The following RBFOX1 variants were observed in gnomAD, a reference collection of about 807,000 sequenced individuals.
The protein encoded by RBFOX1 is RNA binding fox-1 homolog 1, also known as RNA binding protein fox-1 homolog 1.
A neutral mutation model predicts 57.7 loss-of-function variants in RBFOX1; 8 were observed. The ratio of observed to expected loss-of-function variants is 0.14; its 90% confidence interval spans 0.08 to 0.25. The LOEUF is 0.25. Among genes scored for constraint, RBFOX1 ranks in the 10% least tolerant of loss-of-function variants. The pLI, the probability that RBFOX1 is intolerant of heterozygous loss-of-function variation, is 1.00. For synonymous variants in RBFOX1, 326 were observed against 222.4 expected, an observed-to-expected ratio of 1.47 and a Z score of -4.15; for missense variants, 611 against 548.5, an observed-to-expected ratio of 1.11 and a Z score of -1.14.
In RBFOX1 at chr16:6,019,132, C is replaced by T. The variant is rs778454781; in HGVS notation, c.-987C>T. 54 of 984,946 alleles carry T rather than the reference C, an allele frequency of 5.5e-5. No individual in the cohort carries two copies. The highest frequency in any genetic ancestry group is 6.3e-5 in the Non-Finnish European group (52 of 829,936). The allele number at this position is 984,946 out of a possible 1,614,324, so 61.0% of individuals were successfully genotyped here. ...ATGCACACATTTTCTCGCGCTCTCT[C>T]CGGCTCTCCTTTGTTTATTTTCTAA... On this transcript the variant is annotated 5_prime_UTR_variant, in exon 1 of 16. Coordinates refer to ENST00000550418, the MANE Select transcript of RBFOX1 (RefSeq NM_018723.4). This position sits in a 1 kb window ranked among gnomAD's most constrained non-coding sequence, Gnocchi z 4.2.
chr16:6,652,351 G>C (rs1399873859), intron 2 of RBFOX1, among the ~76,000 whole-genome samples: 1 of 152,208 alleles, frequency 6.6e-6, no homozygotes, highest in Middle Eastern at 3.4e-3. Context: ...GGGAGGCTGA[G>C]GCAGAAGAAT....
chr16:6,671,124 T>G (rs528516290), intron 3 of RBFOX1, among the ~76,000 whole-genome samples: 28 of 152,334 alleles, frequency 1.8e-4, no homozygotes, highest in African/African-American at 6.7e-4. Context: ...CCAATCTTAC[T>G]CATTATTTCT....
intron 4 of RBFOX1, among the ~76,000 whole-genome samples, chr16:7,197,317 G>C (rs922576877): frequency 6.6e-6 from 1 of 151,974 alleles, no homozygotes; most frequent in Non-Finnish European, 1.5e-5. Flanking sequence ...GACTGAGCTT[G>C]CTATCGATTT....
intron 2 of RBFOX1, among the ~76,000 whole-genome samples, chr16:6,530,664 G>A (rs909127100): frequency 1.3e-5 from 2 of 152,090 alleles, no homozygotes; most frequent in Non-Finnish European, 2.9e-5. Context: ...CAATCATGGT[G>A]GAAGGAGGAG....
At position 6,910,418 on chromosome 16, in the gene RBFOX1, C is replaced by G. The variant is rs192015144; in HGVS notation, c.-15-141639C>G. 9.2e-5 allele frequency among the ~76,000 whole-genome samples: 14 copies of G among 152,322 alleles called. No homozygotes were observed. The East Asian group carries it at 1.7e-3, about 19-fold the overall frequency. ...GAGCTTTAACTTTATCTCAGGAATT[C>G]TGTCCCCAGGTTCAATGCTGGAGTA... On this transcript the variant is annotated intron_variant, in intron 3 of 15. Transcript: ENST00000550418.
intron 3 of RBFOX1, among the ~76,000 whole-genome samples, chr16:6,990,539 T>C (rs763116723): frequency 3.3e-5 from 5 of 151,910 alleles, no homozygotes; most frequent in Non-Finnish European, 7.4e-5. Context: ...AAAATAAAAA[T>C]TCTGTTAGTA....
At chr16:5,403,349 C>CAAAAAA (rs767830099) in intron 1 of RBFOX1, among the ~76,000 whole-genome samples, 7 of 82,230 alleles carry the variant, frequency 8.5e-5, no homozygotes, top group African/African-American at 1.8e-4. Context: ...AACGCTGTCT[C>CAAAAAA]AAAAAAAAAA....
At chr16:7,036,710 C>G in intron 3 of RBFOX1, among the ~76,000 whole-genome samples, 1 of 128,192 alleles carries the variant, frequency 7.8e-6, no homozygotes, top group South Asian at 3.0e-4. Flanking sequence ...AACAAACAAA[C>G]AAAAAAAACA....
chr16:5,303,216 A>C (rs528760116), intron 1 of RBFOX1, among the ~76,000 whole-genome samples: 3 of 152,302 alleles, frequency 2.0e-5, no homozygotes, highest in South Asian at 4.2e-4. Context: ...TGGTTTTATT[A>C]ATATTATCAT....
intron 2 of RBFOX1, among the ~76,000 whole-genome samples, chr16:5,503,947 C>A (rs987205536): frequency 6.6e-6 from 1 of 152,212 alleles, no homozygotes; most frequent in African/African-American, 2.4e-5. Context: ...TAAATAGCCT[C>A]CTTTCTTCTT....
chr16:7,333,010 G>C (rs771567004), intron 4 of RBFOX1: 1 of 1,613,622 alleles, frequency 6.2e-7, no homozygotes, highest in Admixed American at 1.7e-5. Flanking sequence ...GCATGCTGGC[G>C]TCTCAAGGAG....
At chr16:7,368,167 T>G (rs1274506378) in intron 4 of RBFOX1, among the ~76,000 whole-genome samples, 1 of 151,144 alleles carries the variant, frequency 6.6e-6, no homozygotes, top group Non-Finnish European at 1.5e-5. Context: ...CTTGGGAGGC[T>G]GAGGCAGGAG....
chr16:7,110,954 A>C (rs759188424), intron 4 of RBFOX1, among the ~76,000 whole-genome samples: 1 of 152,126 alleles, frequency 6.6e-6, no homozygotes, highest in African/African-American at 2.4e-5. Flanking sequence ...GCTCTCCCTG[A>C]AATTGTGTAT....
At chr16:6,085,365 C>A (rs570281100) in intron 1 of RBFOX1, among the ~76,000 whole-genome samples, 1 of 152,154 alleles carries the variant, frequency 6.6e-6, no homozygotes, top group African/African-American at 2.4e-5. Flanking sequence ...CTCTGCCTAG[C>A]GGGTTCAAGC....
chr16:6,304,483 G>T (rs1289266648), intron 1 of RBFOX1, among the ~76,000 whole-genome samples: 2 of 152,076 alleles, frequency 1.3e-5, no homozygotes, highest in African/African-American at 4.8e-5. Context: ...CGGAGGAGGA[G>T]GACACTTAGA....
chr16:7,107,738 G>C (rs1473652712), intron 4 of RBFOX1, among the ~76,000 whole-genome samples: 2 of 152,032 alleles, frequency 1.3e-5, no homozygotes, highest in African/African-American at 2.4e-5. Context: ...AGGAGGTGGA[G>C]TTACTTTTTA....
chr16:5,394,663 G>A (rs768289779), intron 1 of RBFOX1, among the ~76,000 whole-genome samples: 11 of 150,170 alleles, frequency 7.3e-5, no homozygotes, highest in Non-Finnish European at 1.6e-4. Context: ...CTGGGCCCAA[G>A]CAATCCTCCT....
rs568190776 is a variant in RBFOX1, at chr16:5,302,295, AT to A, written c.219+62197del. 1.8e-4 allele frequency among the ~76,000 whole-genome samples: 28 copies of A among 152,246 alleles called. No homozygotes were observed. The East Asian group carries it at 4.6e-3, about 25-fold the overall frequency. On this transcript the variant is annotated intron_variant, in intron 1 of 2. Coordinates refer to the RBFOX1 transcript ENST00000585867. ...ATTAAATACTGTTGTCAGAGAAATC[AT>A]TTTTTTGATTTCAGTATTTTCTAAG...
chr16:7,253,201 A>G (rs1337014243), intron 4 of RBFOX1, among the ~76,000 whole-genome samples: 2 of 152,212 alleles, frequency 1.3e-5, no homozygotes, highest in African/African-American at 4.8e-5. Context: ...AGAGACCAAG[A>G]CAAAAGAACC....
Sources: allele counts gnomAD v4.1 joint callset (sites outside exome capture counted in the v4.1 genomes callset), GRCh38; gene constraint gnomAD v4.1.1; non-coding constraint Gnocchi (gnomAD v3.1); transcripts MANE v1.5; gene names NCBI Gene and HGNC (gene_info 2026-07-23, HGNC 2026-07-21).